Variants in PCDHA4 observed in about 807,000 individuals in gnomAD.
PCDHA4 encodes protocadherin alpha 4, also known as protocadherin alpha-4.
In PCDHA4, 49 loss-of-function variants were observed where a neutral mutation model predicts 61.4. The observed-to-expected ratio is 0.80, with a 90% CI of 0.63 to 1.01. The LOEUF is 1.01. Among genes scored for constraint, PCDHA4 ranks in the 50% least tolerant of loss-of-function variants. The pLI is 0.00. For missense variants in PCDHA4, 1,254 were observed against 1,235.8 expected, an observed-to-expected ratio of 1.01 and a Z score of -0.22; for synonymous variants, 590 against 550.3, an observed-to-expected ratio of 1.07 and a Z score of -1.01.
intron 3 of PCDHA4, among the ~76,000 whole-genome samples, chr5:140,995,888 T>C (rs1307052037): frequency 3.3e-5 from 5 of 152,216 alleles, no homozygotes; most frequent in Non-Finnish European, 5.9e-5. Flanking sequence ...GCTTCAGATT[T>C]ATCAATGTAT....
At chr5:140,812,917 GT>G (rs1554126079) in intron 1 of PCDHA4, 1 of 152,098 alleles carries the variant, frequency 6.6e-6, no homozygotes. Flanking sequence ...TCAAAATTCT[GT>G]TGTTTAATTT....
intron 1 of PCDHA4, chr5:140,883,589 G>A (rs782300348): frequency 1.9e-6 from 3 of 1,614,014 alleles, no homozygotes; most frequent in East Asian, 2.2e-5. Context: ...CACGGCCAGC[G>A]TGTCGGTGGG....
At position 140,943,494 on chromosome 5, in the gene PCDHA4, A is replaced by G. The variant is rs1046059269; in HGVS notation, c.2386-35455A>G. ...TACAGTAAAATAATAAATAGATGCT[A>G]TCAAGGTTCATGGAAATGTTGAGTT... is the stretch of plus-strand genomic sequence containing the variant. On this transcript the variant is annotated intron_variant, in intron 1 of 3. Transcript: ENST00000530339. Among the ~76,000 whole-genome samples, 4 of 152,132 alleles carry G rather than the reference A, an allele frequency of 2.6e-5. No homozygotes were observed. The East Asian group carries it at 5.8e-4, about 22-fold the overall frequency.
intron 1 of PCDHA4, chr5:140,841,629 G>T: frequency 6.2e-7 from 1 of 1,614,156 alleles, no homozygotes; most frequent in Non-Finnish European, 8.5e-7. Flanking sequence ...GCGGAGTGCA[G>T]CATCCACCTG....
At chr5:140,818,985 T>C (rs1212659163) in intron 1 of PCDHA4, among the ~76,000 whole-genome samples, 1 of 152,252 alleles carries the variant, frequency 6.6e-6, no homozygotes, top group Non-Finnish European at 1.5e-5. Flanking sequence ...ACTATTCTCA[T>C]ATTTTCTATC....
At chr5:140,964,566 G>A (rs2095840528) in intron 1 of PCDHA4, among the ~76,000 whole-genome samples, 1 of 152,168 alleles carries the variant, frequency 6.6e-6, no homozygotes, top group Non-Finnish European at 1.5e-5. Context: ...GGGCTGGGAG[G>A]AGATAAGGGG....
In PCDHA4 at chr5:140,809,545, G is replaced by A; in HGVS notation, c.2358G>A (p.Leu786=). Reference sequence around the variant, plus strand: ...ACTCTAGGGACAGAGAAGATCAGCTGCAGACAACTGAGGAATCCTTTGCAA... The same window carrying A: ...ACTCTAGGGACAGAGAAGATCAGCTACAGACAACTGAGGAATCCTTTGCAA... ...LPDSRDREDQ[L]QTTEESFAKP... Residue 786 remains leucine, a synonymous_variant, in exon 1 of 4, where the codon CTG becomes CTA. Transcript: ENST00000530339. 1 of 1,613,146 alleles carries A rather than the reference G, an allele frequency of 6.2e-7. No homozygotes were observed. The highest frequency in any genetic ancestry group is 1.1e-5 in the South Asian group (1 of 90,982).
chr5:140,809,475 GC>G lies in PCDHA4; in HGVS notation c.2291del (p.Pro764HisfsTer46), dbSNP rs781959582. ...AGGCCGAGGGTGTGCTCTGGTGAGG[GC>G]CCACCCAAGACCGACCTCATGGCCT... ...QRRPRVCSGEGPPKTDLMAFS... is the reference protein window; with the variant it reads ...QRRPRVCSGEXPPKTDLMAFS... On this transcript the variant is annotated frameshift_variant, in exon 1 of 4. Transcript: ENST00000530339. LOFTEE classifies it high-confidence loss of function. 1 of 1,614,216 alleles carries G rather than the reference GC, an allele frequency of 6.2e-7. No individual in the cohort carries two copies. The highest frequency in any genetic ancestry group is 8.5e-7 in the Non-Finnish European group (1 of 1,180,040).
Position 140,967,085 on chromosome 5 carries a change from C to A in PCDHA4, c.2386-11864C>A, listed in dbSNP as rs155809. On this transcript the variant is annotated intron_variant, in intron 1 of 3. Coordinates refer to ENST00000530339, the MANE Select transcript of PCDHA4 (RefSeq NM_018907.4). ...GCTCTTCGTCAACGAGCGCATTGAT[C>A]GGGAGGCGCTGTGTGAGCAGCGGCC... The A allele has an allele frequency of 3.0e-3, 4,870 of 1,613,198 alleles. 112 individuals are homozygous for A. The African/African-American group carries it at 0.056, about 18-fold the overall frequency.
At chr5:140,866,293 T>TAG (rs2049266972) in intron 1 of PCDHA4, 1 of 152,272 alleles carries the variant, frequency 6.6e-6, no homozygotes, top group East Asian at 1.9e-4. Context: ...GGGACAAGTA[T>TAG]AGATGTTGAT....
At chr5:140,926,926 T>C in intron 1 of PCDHA4, 1 of 1,573,576 alleles carries the variant, frequency 6.4e-7, no homozygotes, top group South Asian at 1.2e-5. Flanking sequence ...TTTATGTTTG[T>C]GGGTTTCCTG....
chr5:140,906,798 C>T (rs1456677849), intron 1 of PCDHA4, among the ~76,000 whole-genome samples: 1 of 152,192 alleles, frequency 6.6e-6, no homozygotes, highest in Non-Finnish European at 1.5e-5. Context: ...TCCATGCATA[C>T]TCTTCCTTAC....
intron 1 of PCDHA4, chr5:140,877,731 G>A (rs2153355415): frequency 1.2e-6 from 2 of 1,614,176 alleles, no homozygotes; most frequent in Non-Finnish European, 1.7e-6. Context: ...ACTCGCAGCA[G>A]AGGAGGCAGA....
At chr5:140,842,068 A>T (rs1777688396) in intron 1 of PCDHA4, 2 of 1,613,910 alleles carry the variant, frequency 1.2e-6, no homozygotes, top group African/African-American at 2.7e-5. Context: ...AATACGAAGT[A>T]AGAATATTCG....
At chr5:140,875,754 G>A (rs369339386) in intron 1 of PCDHA4, 2 of 1,614,254 alleles carry the variant, frequency 1.2e-6, no homozygotes, top group African/African-American at 2.7e-5. Flanking sequence ...ACCGCGAGAA[G>A]CTGTGCGGGC....
intron 1 of PCDHA4, among the ~76,000 whole-genome samples, chr5:140,833,838 T>G (rs1290459937): frequency 6.6e-6 from 1 of 152,186 alleles, no homozygotes; most frequent in Non-Finnish European, 1.5e-5. Context: ...AGTACAGGAT[T>G]TTTCTTAACA....
At position 140,807,206 on chromosome 5, in the gene PCDHA4, A is replaced by G. The variant is rs782751422; in HGVS notation, c.19A>G (p.Ser7Gly). The change falls in exon 1 of 4, where the codon AGC becomes GGC. Residue 7 changes from serine to glycine, a missense_variant. Transcript: ENST00000530339. MEFSWG[S>G]GQESRRLLLL... is the part of the protein sequence containing the mutation. ...ACTAAAGATGGAGTTTTCCTGGGGAAGCGGCCAGGAATCCCGGCGTCTGCT... is the reference window on the plus strand; with the variant it reads ...ACTAAAGATGGAGTTTTCCTGGGGAGGCGGCCAGGAATCCCGGCGTCTGCT... 4.0e-5 allele frequency: 64 copies of G among 1,613,810 alleles called. 1 individual carries two copies. The South Asian group carries it at 6.6e-4, about 17-fold the overall frequency.
chr5:140,872,286 G>C (rs145153656), intron 1 of PCDHA4, among the ~76,000 whole-genome samples: 7 of 151,974 alleles, frequency 4.6e-5, no homozygotes, highest in Admixed American at 1.3e-4. Flanking sequence ...AAAAAGTTAA[G>C]CCTTGCATTC....
At chr5:140,832,011 C>T (rs2150198992) in intron 1 of PCDHA4, among the ~76,000 whole-genome samples, 7 of 152,126 alleles carry the variant, frequency 4.6e-5, no homozygotes, top group South Asian at 2.1e-4. Flanking sequence ...TTTCATTTTA[C>T]GTAAAGATTG....
Sources: allele counts gnomAD v4.1 joint callset (sites outside exome capture counted in the v4.1 genomes callset), GRCh38; gene constraint gnomAD v4.1.1; transcripts MANE v1.5; gene names NCBI Gene and HGNC (gene_info 2026-07-23, HGNC 2026-07-21).